The following IL1RAPL1 variants were observed in gnomAD, a reference collection of about 807,000 sequenced individuals.
IL1RAPL1 encodes the protein interleukin-1 receptor accessory protein-like 1.
A neutral mutation model predicts 48.4 loss-of-function variants in IL1RAPL1; 3 were observed. The ratio of observed to expected loss-of-function variants is 0.06; its 90% CI spans 0.03 to 0.16. The LOEUF (loss-of-function observed/expected upper bound fraction) is 0.16, where lower values mean the gene tolerates loss of function less well. Ranked by LOEUF, IL1RAPL1 falls within the 10% of genes least tolerant of loss-of-function variation. The pLI is 1.00. For missense variants in IL1RAPL1, 349 were observed against 530.6 expected, an observed-to-expected ratio of 0.66 and a Z score of 3.36; for synonymous variants, 185 against 187.7, an observed-to-expected ratio of 0.99 and a Z score of 0.12.
chrX:29,333,734 C>T (rs866998968), intron 3 of IL1RAPL1, among the ~76,000 whole-genome samples: 17 of 42,224 alleles, frequency 4.0e-4, no homozygotes, highest in East Asian at 7.8e-4. Context: ...CCCTCCCGGA[C>T]GGGGCGGCTG....
chrX:29,802,987 A>ATG lies in IL1RAPL1; in HGVS notation c.779-114477_779-114476insTG, dbSNP rs1447340665. On this transcript the variant is annotated intron_variant, in intron 6 of 10. Coordinates refer to ENST00000378993, the MANE Select transcript of IL1RAPL1 (RefSeq NM_014271.4). ...TGTGTACATATATACATACATGTGT[A>ATG]CATATATATGTATGCATATATACAT... 1.0e-3 allele frequency among the ~76,000 whole-genome samples: 66 copies of ATG among 65,218 alleles called. 4 individuals are homozygous for ATG. The highest frequency in any genetic ancestry group is 3.8e-3 in the African/African-American group (56 of 14,565). The allele number at this position is 65,218 out of a possible 115,157, so 56.6% of individuals were successfully genotyped here. A position where few individuals can be genotyped will look rare whatever the true frequency, so the allele number is the denominator to read the frequency against.
chrX:29,220,843 T>G (rs73460438), intron 2 of IL1RAPL1, among the ~76,000 whole-genome samples: 3,024 of 112,098 alleles, frequency 0.027, 107 homozygotes, highest in African/African-American at 0.093. Flanking sequence ...AACTCATATC[T>G]GGGTCCCACT....
At chrX:28,651,504 ATTAGGATCC>A (rs1285316652) in intron 1 of IL1RAPL1, among the ~76,000 whole-genome samples, 1 of 112,350 alleles carries the variant, frequency 8.9e-6, no homozygotes, top group Non-Finnish European at 1.9e-5. Context: ...CTAGATGATT[ATTAGGATCC>A]TTTTCTACCC....
At chrX:28,643,289 TC>T (rs898092087) in intron 1 of IL1RAPL1, among the ~76,000 whole-genome samples, 150 of 111,057 alleles carry the variant, frequency 1.4e-3, no homozygotes, top group African/African-American at 4.5e-3. Context: ...CACACGGACC[TC>T]CCCATAGTAC....
intron 3 of IL1RAPL1, among the ~76,000 whole-genome samples, chrX:29,381,831 AAAATATATATATATATATAT>A (rs1933711336): frequency 1.2e-4 from 3 of 25,786 alleles, no homozygotes; most frequent in East Asian, 5.3e-4. Flanking sequence ...AAAAAAAAAA[AAAATATATATATATATATAT>A]ATATATATAT....
intron 5 of IL1RAPL1, among the ~76,000 whole-genome samples, chrX:29,477,029 C>T (rs982091907): frequency 2.1e-4 from 22 of 106,461 alleles, no homozygotes; most frequent in Non-Finnish European, 4.2e-4. Context: ...TACAGGCGCC[C>T]GCCACCGCGC....
At chrX:29,154,704 T>A (rs1929533364) in intron 2 of IL1RAPL1, among the ~76,000 whole-genome samples, 1 of 111,866 alleles carries the variant, frequency 8.9e-6, no homozygotes. Flanking sequence ...TAAGCCCGAT[T>A]TTTCAACCAA....
At chrX:29,698,371 T>G (rs1445598608) in intron 6 of IL1RAPL1, among the ~76,000 whole-genome samples, 2 of 110,874 alleles carry the variant, frequency 1.8e-5, no homozygotes, top group African/African-American at 3.3e-5. Context: ...AAATATCAAA[T>G]CCTCAATGAG....
intron 2 of IL1RAPL1, among the ~76,000 whole-genome samples, chrX:28,936,351 T>TA (rs1004887079): frequency 6.4e-5 from 7 of 109,058 alleles, no homozygotes; most frequent in African/African-American, 1.3e-4. Flanking sequence ...TTGAAAATTA[T>TA]AAAAAAAAAT....
chrX:28,942,040 C>T (rs1455787471), intron 2 of IL1RAPL1: 2 of 109,460 alleles, frequency 1.8e-5, no homozygotes, highest in African/African-American at 3.3e-5. Context: ...AACATAGTTC[C>T]GTAGTTCCTA....
At chrX:29,865,699 C>T (rs1401551902) in intron 6 of IL1RAPL1, among the ~76,000 whole-genome samples, 5 of 90,872 alleles carry the variant, frequency 5.5e-5, no homozygotes, top group African/African-American at 8.6e-5. Flanking sequence ...TGCAGTAGTG[C>T]GATCTCCACT....
chrX:29,841,058 G>A (rs1310972092), intron 6 of IL1RAPL1, among the ~76,000 whole-genome samples: 15 of 111,587 alleles, frequency 1.3e-4, no homozygotes, highest in Non-Finnish European at 2.8e-4. Flanking sequence ...TCTGAGGTGT[G>A]CCCTATATTA....
At chrX:29,939,640 T>C (rs1396510009) in intron 8 of IL1RAPL1, among the ~76,000 whole-genome samples, 1 of 112,432 alleles carries the variant, frequency 8.9e-6, no homozygotes, top group African/African-American at 3.2e-5. Context: ...TTCAGTGTTT[T>C]ACACTTCATA....
At chrX:29,121,259 G>A (rs753968695) in intron 2 of IL1RAPL1, among the ~76,000 whole-genome samples, 148 of 111,835 alleles carry the variant, frequency 1.3e-3, no homozygotes, top group African/African-American at 4.6e-3. Flanking sequence ...AACAAAAAAA[G>A]AAAATAAAAG....
At chrX:29,857,335 A>G (rs917139263) in intron 6 of IL1RAPL1, among the ~76,000 whole-genome samples, 1 of 111,584 alleles carries the variant, frequency 9.0e-6, no homozygotes, top group Non-Finnish European at 1.9e-5. Flanking sequence ...AGAGGAAAAA[A>G]CTTCCACAGA....
chrX:29,565,352 C>T (rs1419642222), intron 5 of IL1RAPL1, among the ~76,000 whole-genome samples: 2 of 108,920 alleles, frequency 1.8e-5, no homozygotes, highest in East Asian at 2.9e-4. Context: ...CATTTAGAGT[C>T]GCTAAAAATC....
At chrX:29,884,419 G>A (rs1011394083) in intron 6 of IL1RAPL1, among the ~76,000 whole-genome samples, 2 of 109,981 alleles carry the variant, frequency 1.8e-5, no homozygotes, top group African/African-American at 3.3e-5. Flanking sequence ...TGGCTCCCAG[G>A]ACACCACATT....
intron 8 of IL1RAPL1, among the ~76,000 whole-genome samples, chrX:29,931,163 G>A (rs1184635508): frequency 9.0e-6 from 1 of 110,535 alleles, no homozygotes; most frequent in African/African-American, 3.3e-5. Flanking sequence ...TTGTTAATGG[G>A]GAGGGGGGAT....
chrX:29,314,863 T>C (rs752711453), intron 3 of IL1RAPL1, among the ~76,000 whole-genome samples: 3 of 112,626 alleles, frequency 2.7e-5, no homozygotes, highest in Non-Finnish European at 5.6e-5. Context: ...CAAAATATTA[T>C]ATGCCATGTT....
Sources: gnomAD v4.1 joint callset for allele counts (sites outside exome capture counted in the v4.1 genomes callset) on GRCh38, gnomAD v4.1.1 for gene constraint, MANE v1.5 for transcripts, NCBI Gene and HGNC (gene_info 2026-07-23, HGNC 2026-07-21) for gene names.